The following MYO9B variants were observed in gnomAD, a reference collection of about 807,000 sequenced individuals.
MYO9B encodes the protein myosin IXB, also known as unconventional myosin-IXb.
MYO9B carries 71 observed loss-of-function variants against 229.5 expected under a neutral mutation model. The observed-to-expected ratio is 0.31, with a 90% CI of 0.26 to 0.38. The LOEUF (loss-of-function observed/expected upper bound fraction) is 0.38, where lower values mean the gene tolerates loss of function less well. Ranked by LOEUF, MYO9B falls within the 10% of genes least tolerant of loss-of-function variation. The pLI is 1.00. For synonymous variants in MYO9B, 1,185 were observed against 1,235.8 expected (o/e 0.96, Z 0.86); for missense variants, 2,255 against 2,920.5 (o/e 0.77, Z 5.25).
chr19:17,209,314 G>A (rs147780987), intron 35 of MYO9B, among the ~76,000 whole-genome samples: 1 of 152,240 alleles, frequency 6.6e-6, no homozygotes, highest in African/African-American at 2.4e-5. Context: ...TGCGAGGCAG[G>A]ATAATTCCCA....
rs529735740 is a variant in MYO9B, at chr19:17,133,661, A to G, written c.841-11736A>G. On this transcript the variant is annotated intron_variant, in intron 2 of 39. Coordinates refer to ENST00000682292, the MANE Select transcript of MYO9B (RefSeq NM_004145.4). ...AAGATGGGGTGTCACTATGTTGCCC[A>G]GGCTGGTCTCAAACTCCTGGCCTCA... Among the ~76,000 whole-genome samples, 276 of 152,260 alleles carry G rather than the reference A, an allele frequency of 1.8e-3. 1 individual carries two copies. The highest frequency in any genetic ancestry group is 3.1e-3 in the Non-Finnish European group (211 of 68,022).
chr19:17,081,432 G>C (rs1461208514), intron 1 of MYO9B, among the ~76,000 whole-genome samples: 1 of 152,142 alleles, frequency 6.6e-6, no homozygotes, highest in East Asian at 1.9e-4. Context: ...AACACTTTAA[G>C]GGTGAGCAGG....
Position 17,168,168 on chromosome 19 carries a change from C to T in MYO9B, c.1793+104C>T, listed in dbSNP as rs531712585. The T allele has an allele frequency of 1.4e-5, 20 of 1,461,940 alleles. No homozygotes were observed. In the Admixed American group the frequency reaches 1.5e-4, roughly 11 times the overall value. 90.6% of individuals were successfully genotyped at this position (1,461,940 alleles called of 1,614,324 possible). ...CCCCAAATCCAGACTTTCCCAAGAG[C>T]GCCTTTTTATTTTTGAGACAGGGTC... is the stretch of plus-strand genomic sequence containing the variant. On this transcript the variant is annotated intron_variant, in intron 11 of 39. Transcript: ENST00000682292.
intron 3 of MYO9B, among the ~76,000 whole-genome samples, chr19:17,149,769 T>G (rs773771443): frequency 1.3e-5 from 2 of 152,214 alleles, no homozygotes; most frequent in Non-Finnish European, 2.9e-5. Context: ...GACTCAGTGC[T>G]GGAGGAGCCC....
At chr19:17,143,716 A>G (rs1203866310) in intron 2 of MYO9B, among the ~76,000 whole-genome samples, 1 of 151,916 alleles carries the variant, frequency 6.6e-6, no homozygotes, top group Non-Finnish European at 1.5e-5. Flanking sequence ...AGGTCAAGAG[A>G]TCGAGACCAT....
chr19:17,136,920 G>A (rs956698335), intron 2 of MYO9B, among the ~76,000 whole-genome samples: 20 of 152,044 alleles, frequency 1.3e-4, no homozygotes, highest in Non-Finnish European at 1.5e-4. Flanking sequence ...AGTAAGATTC[G>A]TGTCGACAAA....
At chr19:17,192,526 C>T (rs1307885645) in intron 20 of MYO9B, among the ~76,000 whole-genome samples, 1 of 151,988 alleles carries the variant, frequency 6.6e-6, no homozygotes, top group Non-Finnish European at 1.5e-5. Flanking sequence ...ACCCAGTAGG[C>T]GGAGGTTGCA....
rs751227416 is a variant in MYO9B at position 17,212,009 on chromosome 19, C to T, written c.6173C>T (p.Thr2058Ile). 1.9e-6 allele frequency: 3 copies of T among 1,569,404 alleles called. No homozygotes were observed. Among genetic ancestry groups the T allele is most frequent in the Admixed American group, 1.7e-5 (1 of 57,506 alleles). Residue 2058 changes from threonine to isoleucine, a missense_variant, in exon 40 of 40, where the codon ACC becomes ATC. This residue lies in a region of MYO9B where 331 missense variants were observed against 332.5 expected (regional missense o/e 1.00). Coordinates refer to ENST00000682292, the MANE Select transcript of MYO9B (RefSeq NM_004145.4). This position sits in a 1 kb window ranked among gnomAD's most constrained non-coding sequence, Gnocchi z 5.4. ...TCCTTCGTAACGGTCAGAGTGAAGA[C>T]CCCCCGGCGGACCCCCATCATGCCC... ...PSSFVTVRVK[T>I]PRRTPIMPTA... is the part of the protein sequence containing the mutation.
intron 2 of MYO9B, among the ~76,000 whole-genome samples, chr19:17,115,844 A>G (rs1275037063): frequency 6.6e-6 from 1 of 151,874 alleles, no homozygotes. Flanking sequence ...TCCTAGATCC[A>G]GACAGCCCAG....
At chr19:17,104,219 A>C (rs2057772462) in intron 2 of MYO9B, among the ~76,000 whole-genome samples, 1 of 152,298 alleles carries the variant, frequency 6.6e-6, no homozygotes, top group African/African-American at 2.4e-5. Context: ...GAAGGAAGCC[A>C]GCAAGGCGTA....
rs796768677 is a variant in MYO9B, at chr19:17,097,671, CTCA to C, written c.-58-3987_-58-3985del. On this transcript the variant is annotated intron_variant, in intron 1 of 39. Transcript: ENST00000682292. ...TCCCTGTGTGAACTGTTGCCTCGGC[CTCA>C]TAAGTTATCGTTTCTTTCAGCCTCA... Among the ~76,000 whole-genome samples the C allele has an allele frequency of 8.5e-4, 130 of 152,266 alleles. 2 individuals are homozygous for C. The highest frequency in any genetic ancestry group is 3.0e-3 in the African/African-American group (125 of 41,542).
At chr19:17,152,579 A>T in intron 3 of MYO9B, 65 bp from the exon 4 acceptor site, 1 of 1,390,546 alleles carries the variant, frequency 7.2e-7, no homozygotes, top group Non-Finnish European at 9.9e-7. Context: ...AAAAAAAAAC[A>T]ACTCAATATT....
Position 17,180,215 on chromosome 19 carries a change from A to G in MYO9B, c.2220-712A>G, listed in dbSNP as rs1336600667. 5.6e-5 allele frequency among the ~76,000 whole-genome samples: 8 copies of G among 143,684 alleles called. No individual in the cohort carries two copies. The East Asian group carries it at 1.1e-3, about 19-fold the overall frequency. 94.3% of individuals were successfully genotyped at this position (143,684 alleles called of 152,430 possible). ...GCCATTGTACTCCAGCCTGGGCGAC[A>G]GAGTGAGACTCCGTCTCAATAAATA... On this transcript the variant is annotated intron_variant, in intron 14 of 39. Transcript: ENST00000682292.
chr19:17,143,342 G>T (rs558208029), intron 2 of MYO9B, among the ~76,000 whole-genome samples: 30 of 152,194 alleles, frequency 2.0e-4, no homozygotes, highest in African/African-American at 6.5e-4. Context: ...TATTTTTCAG[G>T]TCTTATCTGG....
chr19:17,088,221 A>T (rs2057602132), intron 1 of MYO9B, among the ~76,000 whole-genome samples: 1 of 151,610 alleles, frequency 6.6e-6, no homozygotes, highest in Non-Finnish European at 1.5e-5. Flanking sequence ...TCCAATCCCC[A>T]CCTCCATCTT....
intron 1 of MYO9B, among the ~76,000 whole-genome samples, chr19:17,096,699 GTT>G (rs1491415366): frequency 0.21 from 12,276 of 59,848 alleles, 966 homozygotes; most frequent in Non-Finnish European, 0.25. Context: ...TGTTGTTGTT[GTT>G]GTTGGTTTTT....
chr19:17,140,209 G>A (rs1453665643), intron 2 of MYO9B, among the ~76,000 whole-genome samples: 1 of 152,328 alleles, frequency 6.6e-6, no homozygotes, highest in Non-Finnish European at 1.5e-5. Context: ...GTGCATGACT[G>A]TACCATGTAG....
intron 2 of MYO9B, among the ~76,000 whole-genome samples, chr19:17,134,381 G>GTTTT (rs869297825): frequency 0.012 from 546 of 46,518 alleles, 12 homozygotes; most frequent in Non-Finnish European, 0.016. Flanking sequence ...CGTTTTGTTT[G>GTTTT]TTTTTTTTTT....
At position 17,206,769 on chromosome 19, in the gene MYO9B, T is replaced by C. The variant is rs1278026713; in HGVS notation, c.5477T>C (p.Ile1826Thr). ...EANHNSLERL[I>T]FHLVKVALLE... ...AACCACAACTCCCTGGAGAGACTCA[T>C]CTTCCACCTTGTCAAGCAAGTGCCT... The change falls in exon 34 of 40, where the codon ATC (isoleucine) becomes ACC (threonine). Residue 1826 changes from isoleucine (I) to threonine (T), a missense_variant. By Grantham distance (89) the Ile-to-Thr change is moderately conservative. Around this residue, in one of 7 missense-constraint regions of MYO9B, gnomAD observed 416 missense variants for 605.5 expected, o/e 0.69. Transcript: ENST00000682292. The C allele has an allele frequency of 1.3e-6, 2 of 1,586,996 alleles. No homozygotes were observed. The highest frequency in any genetic ancestry group is 1.7e-6 in the Non-Finnish European group (2 of 1,167,228).
Sources: gnomAD v4.1 joint callset for allele counts (sites outside exome capture counted in the v4.1 genomes callset) on GRCh38, gnomAD v4.1.1 for gene constraint, gnomAD v4.1.1 regional missense constraint, Gnocchi (gnomAD v3.1) non-coding constraint, MANE v1.5 for transcripts, NCBI Gene and HGNC (gene_info 2026-07-23, HGNC 2026-07-21) for gene names.